Variants in NKAIN3 observed in about 807,000 individuals in gnomAD.
The protein encoded by NKAIN3 is sodium/potassium transporting ATPase interacting 3.
In NKAIN3, 25 loss-of-function variants were observed where a neutral mutation model predicts 30.2. That is an observed-to-expected ratio of 0.83 (90% CI 0.60 to 1.16). NKAIN3 has a LOEUF of 1.16. Ranked by LOEUF, NKAIN3 falls within the 50% of genes most tolerant of loss-of-function variation. NKAIN3 has a pLI of 0.00. For synonymous variants in NKAIN3, 91 were observed against 89.6 expected, an observed-to-expected ratio of 1.02 and a Z score of -0.09; for missense variants, 225 against 254.1, an observed-to-expected ratio of 0.89 and a Z score of 0.78.
intron 4 of NKAIN3, among the ~76,000 whole-genome samples, chr8:62,876,639 A>G (rs1324169721): frequency 1.3e-5 from 2 of 152,244 alleles, no homozygotes; most frequent in African/African-American, 4.8e-5. Flanking sequence ...AGCCATAAAA[A>G]GGAATGAGAT....
At chr8:62,844,195 T>C (rs567705694) in intron 4 of NKAIN3, among the ~76,000 whole-genome samples, 2 of 152,294 alleles carry the variant, frequency 1.3e-5, no homozygotes, top group South Asian at 4.1e-4. Flanking sequence ...CCTTAAATAT[T>C]TTTTGGCAAC....
intron 1 of NKAIN3, among the ~76,000 whole-genome samples, chr8:62,318,518 G>A (rs1814743499): frequency 6.6e-6 from 1 of 152,188 alleles, no homozygotes; most frequent in South Asian, 2.1e-4. Flanking sequence ...GGTTGTTGAA[G>A]TTGTCAAAGG....
At chr8:62,703,256 T>C (rs1814400982) in intron 3 of NKAIN3, among the ~76,000 whole-genome samples, 1 of 152,200 alleles carries the variant, frequency 6.6e-6, no homozygotes, top group Non-Finnish European at 1.5e-5. Context: ...TCTTATGATA[T>C]TCACTGTTTT....
chr8:62,982,604 T>C lies in NKAIN3; in HGVS notation c.*17197T>C, dbSNP rs1459879038. 2.0e-5 allele frequency: 3 copies of C among 151,936 alleles called. No homozygotes were observed. Among genetic ancestry groups the C allele is most frequent in the African/African-American group, 7.3e-5 (3 of 41,276 alleles). 9.4% of individuals were successfully genotyped at this position (151,936 alleles called of 1,614,324 possible). A position where few individuals can be genotyped will look rare whatever the true frequency, so the allele number is the denominator to read the frequency against. ...ATGAGATGCTATCTCTGGAAAAAAA[T>C]GAATAGATTTTCAAGATTGTGAGTC... On this transcript the variant is annotated 3_prime_UTR_variant, in exon 7 of 7. Coordinates refer to ENST00000623646, the MANE Select transcript of NKAIN3 (RefSeq NM_001304533.3).
At chr8:62,847,037 G>A (rs1390598063) in intron 4 of NKAIN3, among the ~76,000 whole-genome samples, 11 of 152,090 alleles carry the variant, frequency 7.2e-5, no homozygotes, top group Non-Finnish European at 1.5e-4. Flanking sequence ...CTTGACATGT[G>A]GGGATTATTA....
At chr8:62,677,082 T>G (rs1303623368) in intron 3 of NKAIN3, among the ~76,000 whole-genome samples, 1 of 152,164 alleles carries the variant, frequency 6.6e-6, no homozygotes, top group African/African-American at 2.4e-5. Context: ...TGGTTTGTTT[T>G]GAATTTTTTA....
At chr8:62,862,999 G>A (rs1820300296) in intron 4 of NKAIN3, 1 of 551,612 alleles carries the variant, frequency 1.8e-6, no homozygotes, top group South Asian at 1.9e-5. Context: ...GCATACATAT[G>A]TTGGTATGTA....
At chr8:62,483,747 G>A (rs933407122) in intron 1 of NKAIN3, 2 of 297,984 alleles carry the variant, frequency 6.7e-6, no homozygotes, top group African/African-American at 2.3e-5. Flanking sequence ...TGTTGCGGGA[G>A]GCTTTCATTC....
intron 1 of NKAIN3, among the ~76,000 whole-genome samples, chr8:62,518,918 A>T (rs1808073657): frequency 6.6e-6 from 1 of 152,114 alleles, no homozygotes; most frequent in South Asian, 2.1e-4. Flanking sequence ...TGTTGGTTCT[A>T]CTATGAAGGG....
At chr8:62,805,810 A>T (rs1415666361) in intron 4 of NKAIN3, among the ~76,000 whole-genome samples, 6 of 152,216 alleles carry the variant, frequency 3.9e-5, no homozygotes, top group Non-Finnish European at 8.8e-5. Flanking sequence ...ATGGGATCTA[A>T]TTAAACTAAA....
intron 4 of NKAIN3, among the ~76,000 whole-genome samples, chr8:62,778,757 T>C (rs1233924046): frequency 6.8e-6 from 1 of 148,140 alleles, no homozygotes; most frequent in African/African-American, 2.4e-5. Flanking sequence ...TACTCTTCCC[T>C]CTCTTTTCTC....
At chr8:62,906,750 G>A (rs995536787) in intron 4 of NKAIN3, among the ~76,000 whole-genome samples, 2 of 152,100 alleles carry the variant, frequency 1.3e-5, no homozygotes, top group African/African-American at 4.8e-5. Flanking sequence ...TTTGCCTTCT[G>A]CCATTATTGT....
At chr8:62,848,283 G>A (rs1288767032) in intron 4 of NKAIN3, among the ~76,000 whole-genome samples, 14 of 152,074 alleles carry the variant, frequency 9.2e-5, no homozygotes, top group Admixed American at 7.9e-4. Flanking sequence ...CCGTTTTCAC[G>A]ATATTGATTC....
At chr8:62,520,895 A>T (rs1371984491) in intron 1 of NKAIN3, among the ~76,000 whole-genome samples, 1 of 151,738 alleles carries the variant, frequency 6.6e-6, no homozygotes, top group Non-Finnish European at 1.5e-5. Flanking sequence ...ATTATTTTAA[A>T]TACTTCTAAA....
chr8:62,801,816 A>G (rs564395100), intron 4 of NKAIN3, among the ~76,000 whole-genome samples: 74 of 152,202 alleles, frequency 4.9e-4, no homozygotes, highest in African/African-American at 1.7e-3. Flanking sequence ...CAATCAAACT[A>G]CTCCGAGTTA....
At chr8:62,751,850 C>T (rs555779009) in intron 4 of NKAIN3, among the ~76,000 whole-genome samples, 3 of 117,584 alleles carry the variant, frequency 2.6e-5, no homozygotes, top group Non-Finnish European at 5.0e-5. Flanking sequence ...GTATGTGTTA[C>T]TGAGAGCATT....
intron 1 of NKAIN3, among the ~76,000 whole-genome samples, chr8:62,550,622 C>A (rs947519486): frequency 2.6e-5 from 4 of 152,148 alleles, no homozygotes; most frequent in African/African-American, 9.7e-5. Context: ...GAGTAAAGTT[C>A]TCAAGGAAAA....
intron 1 of NKAIN3, among the ~76,000 whole-genome samples, chr8:62,319,085 T>A (rs1427833763): frequency 6.6e-6 from 1 of 152,248 alleles, no homozygotes; most frequent in Non-Finnish European, 1.5e-5. Flanking sequence ...TCAAGGAATT[T>A]ATCCATTTCT....
intron 3 of NKAIN3, among the ~76,000 whole-genome samples, chr8:62,724,979 A>G (rs145714657): frequency 3.3e-5 from 5 of 151,776 alleles, no homozygotes; most frequent in African/African-American, 9.7e-5. Context: ...AGTGGTTGTG[A>G]TAATTTGCAT....
Sources: allele counts gnomAD v4.1 joint callset (sites outside exome capture counted in the v4.1 genomes callset), GRCh38; gene constraint gnomAD v4.1.1; transcripts MANE v1.5; gene names NCBI Gene and HGNC (gene_info 2026-07-23, HGNC 2026-07-21).